CA3: variants seen among roughly 807,000 people sequenced by gnomAD.
CA3 encodes carbonic anhydrase 3.
Under a neutral mutation model 35.7 loss-of-function variants are expected in CA3, and 30 were observed. The ratio of observed to expected loss-of-function variants is 0.84; its 90% confidence interval spans 0.63 to 1.14. The LOEUF (loss-of-function observed/expected upper bound fraction) is 1.14, where lower values mean the gene tolerates loss of function less well. Ranked by LOEUF, CA3 falls within the 50% of genes most tolerant of loss-of-function variation. The pLI, the probability that CA3 is intolerant of heterozygous loss-of-function variation, is 0.00. For missense variants in CA3, 295 were observed against 328.5 expected (o/e 0.90, Z 0.79); for synonymous variants, 131 against 130.8 (o/e 1.00, Z -0.01).
intron 5 of CA3, among the ~76,000 whole-genome samples, chr8:85,445,710 C>A (rs1329184605): frequency 2.0e-5 from 3 of 152,010 alleles, no homozygotes; most frequent in Non-Finnish European, 4.4e-5. Context: ...TCTGACCGTT[C>A]TAATCAAATA....
intron 5 of CA3, 40 bp downstream of exon 5, chr8:85,445,258 A>G (rs1162483113): frequency 1.5e-6 from 2 of 1,294,432 alleles, no homozygotes; most frequent in Admixed American, 4.2e-5. Context: ...CATAAAGCAG[A>G]TTATGCAGAT....
rs576614261 is a variant in CA3 at position 85,446,692 on chromosome 8, G to T, written c.663+395G>T. 1.0e-3 allele frequency among the ~76,000 whole-genome samples: 155 copies of T among 152,284 alleles called. 3 individuals are homozygous for T. The highest frequency in any genetic ancestry group is 9.8e-3 in the Admixed American group (150 of 15,292). On this transcript the variant is annotated intron_variant, in intron 6 of 6. Transcript: ENST00000285381. Reference sequence around the variant, plus strand: ...CTAATGGAAAGGATTTAACAATTTTGTATGCTATATATTATTTCTGCAGTT... The same window carrying T: ...CTAATGGAAAGGATTTAACAATTTTTTATGCTATATATTATTTCTGCAGTT...
In CA3 at chr8:85,439,790, T is replaced by C; in HGVS notation, c.113T>C (p.Ile38Thr). Reference sequence around the variant, plus strand: ...CCCGTTGAGCTGCATACTAAAGACATCAGGCATGACCCTTCTCTGCAGCCA... The same window carrying C: ...CCCGTTGAGCTGCATACTAAAGACACCAGGCATGACCCTTCTCTGCAGCCA... ...QSPVELHTKD[I>T]RHDPSLQPWS... The change falls in exon 2 of 7, where the codon ATC becomes ACC. Residue 38 changes from isoleucine to threonine, a missense_variant. Physicochemically the swap from Ile to Thr is moderately conservative, Grantham distance 89. Transcript: ENST00000285381. The C allele has an allele frequency of 6.2e-7, 1 of 1,614,038 alleles. No individual in the cohort carries two copies. The highest frequency in any genetic ancestry group is 2.2e-5 in the East Asian group (1 of 44,878).
chr8:85,445,357 C>T (rs373495972), intron 5 of CA3, 139 bp downstream of exon 5: 2 of 562,330 alleles, frequency 3.6e-6, no homozygotes, highest in Non-Finnish European at 6.2e-6. Flanking sequence ...AAAATAAATG[C>T]TATTATATTT....
At chr8:85,443,404 G>A (rs1398058089) in intron 3 of CA3, among the ~76,000 whole-genome samples, 1 of 152,164 alleles carries the variant, frequency 6.6e-6, no homozygotes, top group African/African-American at 2.4e-5. Context: ...CAGAAGCTCA[G>A]AAACACACTA....
At chr8:85,447,946 A>T (rs1354813439) in intron 6 of CA3, 88 bp from the exon 7 acceptor site, 2 of 1,254,064 alleles carry the variant, frequency 1.6e-6, no homozygotes, top group Non-Finnish European at 2.2e-6. Context: ...CAACAAAAAA[A>T]ACCCCAGCAG....
At chr8:85,439,049 G>C (rs989985404) in intron 1 of CA3, 106 bp downstream of exon 1, 1 of 1,132,474 alleles carries the variant, frequency 8.8e-7, no homozygotes, top group African/African-American at 1.5e-5. Flanking sequence ...GAAAATGTAG[G>C]AGTAGAATAA....
At chr8:85,439,259 T>C (rs2130497972) in intron 1 of CA3, among the ~76,000 whole-genome samples, 1 of 152,276 alleles carries the variant, frequency 6.6e-6, no homozygotes, top group Middle Eastern at 3.4e-3. Flanking sequence ...TGGCCCTTAT[T>C]CTGTTTTACT....
intron 6 of CA3, among the ~76,000 whole-genome samples, chr8:85,447,658 G>C (rs1016465701): frequency 7.9e-5 from 12 of 152,212 alleles, no homozygotes; most frequent in African/African-American, 2.9e-4. Flanking sequence ...AGTACTTTGG[G>C]GGTCCAAGGC....
At chr8:85,445,723 AT>A (rs1054580708) in intron 5 of CA3, among the ~76,000 whole-genome samples, 10 of 152,210 alleles carry the variant, frequency 6.6e-5, no homozygotes, top group African/African-American at 2.2e-4. Flanking sequence ...ATCAAATATT[AT>A]TGAGTTTCAT....
At chr8:85,438,968 G>T (rs1292670181) in intron 1 of CA3, 25 bp downstream of exon 1, 12 of 1,550,656 alleles carry the variant, frequency 7.7e-6, no homozygotes, top group Non-Finnish European at 1.0e-5. Flanking sequence ...CCGCGACCCG[G>T]CCAGGAAGGG....
At position 85,446,145 on chromosome 8, in the gene CA3, A is replaced by G. The variant is rs779787245; in HGVS notation, c.511A>G (p.Lys171Glu). Residue 171 changes from lysine (K) to glutamate (E), a missense_variant, in exon 6 of 7, where the codon AAG becomes GAG. By Grantham distance (56) the Lys-to-Glu change is moderately conservative. Coordinates refer to ENST00000285381, the MANE Select transcript of CA3 (RefSeq NM_005181.4). ...DALDKIKTKG[K>E]EAPFTKFDPS... ...CCTGCAACCTGCTCTTACCCAGGGC[A>G]AGGAGGCGCCCTTCACAAAGTTTGA... is the stretch of plus-strand genomic sequence containing the variant. 1 of 1,607,020 alleles carries G rather than the reference A, an allele frequency of 6.2e-7. No individual in the cohort carries two copies. The highest frequency in any genetic ancestry group is 8.5e-7 in the Non-Finnish European group (1 of 1,175,876).
chr8:85,446,120 C>T (rs377465338), intron 5 of CA3, 22 bp from the exon 6 acceptor site: 2 of 1,585,550 alleles, frequency 1.3e-6, no homozygotes, highest in African/African-American at 1.3e-5. Context: ...ACTCACTGCA[C>T]CTGCAACCTG....
chr8:85,444,894 C>A (rs1045467085), intron 4 of CA3, among the ~76,000 whole-genome samples: 8 of 152,096 alleles, frequency 5.3e-5, no homozygotes, highest in African/African-American at 1.9e-4. Flanking sequence ...AATGACTTTG[C>A]AGAGAAGGTC....
Position 85,439,680 on chromosome 8 carries a change from A to G in CA3, c.35-32A>G, listed in dbSNP as rs778360803. The stretch of plus-strand genomic sequence containing the variant: ...AAAGAGGCCTTGGGTTGTGCCACCA[A>G]ATAAATACATCTCCTCGACTTTATT... On this transcript the variant is annotated intron_variant, in intron 1 of 6. Transcript: ENST00000285381. The G allele has an allele frequency of 3.8e-6, 6 of 1,565,530 alleles. No individual in the cohort carries two copies. The Admixed American group carries it at 1.0e-4, about 26-fold the overall frequency.
Position 85,448,063 on chromosome 8 carries a change from T to C in CA3, c.693T>C (p.Ser231=), listed in dbSNP as rs761263816. 9.9e-6 allele frequency: 16 copies of C among 1,613,292 alleles called. No homozygotes were observed. Among genetic ancestry groups the C allele is most frequent in the Non-Finnish European group, 1.4e-5 (16 of 1,179,706 alleles). ...CCAAGCTGCGGAGCCTCCTCTCCAG[T>C]GCTGAGAACGAGCCCCCAGTGCCTC... ...QMAKLRSLLS[S]AENEPPVPLV... is the part of the protein sequence containing the mutation. The change falls in exon 7 of 7, where the codon AGT becomes AGC. Residue 231 remains serine, a synonymous_variant. Coordinates refer to ENST00000285381, the MANE Select transcript of CA3 (RefSeq NM_005181.4).
At chr8:85,447,409 A>C (rs1055843641) in intron 6 of CA3, among the ~76,000 whole-genome samples, 2 of 152,168 alleles carry the variant, frequency 1.3e-5, no homozygotes, top group African/African-American at 4.8e-5. Context: ...GTTCATACTG[A>C]CCCCTCAAAT....
In CA3 at chr8:85,445,173, C is replaced by T. The variant is rs200197384; in HGVS notation, c.462C>T (p.Gly154=). The T allele has an allele frequency of 1.8e-4, 295 of 1,605,994 alleles. No homozygotes were observed. The highest frequency in any genetic ancestry group is 3.9e-4 in the South Asian group (35 of 89,980). The change falls in exon 5 of 7, where the codon GGC becomes GGT. Residue 154 remains glycine, a synonymous_variant. Transcript: ENST00000285381. ...GIFLKIGHEN[G]EFQIFLDALD... ...TCTTACAGATAGGACATGAGAATGG[C>T]GAGTTCCAGATTTTCCTTGATGCAT...
intron 6 of CA3, 61 bp from the exon 7 acceptor site, chr8:85,447,973 T>A: frequency 6.5e-7 from 1 of 1,527,766 alleles, no homozygotes; most frequent in African/African-American, 1.4e-5. Context: ...TACCTCTTTG[T>A]CACGTAGTGT....
Sources: gnomAD v4.1 joint callset for allele counts (sites outside exome capture counted in the v4.1 genomes callset) on GRCh38, gnomAD v4.1.1 for gene constraint, MANE v1.5 for transcripts, NCBI Gene and HGNC (gene_info 2026-07-23, HGNC 2026-07-21) for gene names.